Variants in EFCAB11 observed in about 807,000 individuals in gnomAD.
The protein encoded by EFCAB11 is EF-hand calcium-binding domain-containing protein 11.
Under a neutral mutation model 23.0 loss-of-function variants are expected in EFCAB11, and 14 were observed. The observed-to-expected ratio is 0.61, with a 90% CI of 0.40 to 0.95. The LOEUF (loss-of-function observed/expected upper bound fraction) is 0.95, where lower values mean the gene tolerates loss of function less well. Ranked by LOEUF, EFCAB11 falls within the 40% of genes least tolerant of loss-of-function variation. The pLI is 0.00. For missense variants in EFCAB11, 198 were observed against 195.8 expected (o/e 1.01, Z -0.07); for synonymous variants, 65 against 66.6 (o/e 0.98, Z 0.11).
intron 5 of EFCAB11, among the ~76,000 whole-genome samples, chr14:89,805,149 C>T (rs1885925413): frequency 6.6e-6 from 1 of 152,248 alleles, no homozygotes; most frequent in Admixed American, 6.5e-5. Context: ...GCACTCGGCT[C>T]AGCCTACTAG....
chr14:89,865,850 T>C (rs1412404017), intron 5 of EFCAB11, among the ~76,000 whole-genome samples: 1 of 151,968 alleles, frequency 6.6e-6, no homozygotes, highest in Non-Finnish European at 1.5e-5. Context: ...TTTTTTAAAC[T>C]AGAGATGGGG....
intron 5 of EFCAB11, among the ~76,000 whole-genome samples, chr14:89,888,576 A>G (rs1416809026): frequency 6.6e-6 from 1 of 152,202 alleles, no homozygotes; most frequent in Non-Finnish European, 1.5e-5. Flanking sequence ...AGACAGCACC[A>G]AGCCTTGAGG....
At chr14:89,805,582 T>C (rs1347286858) in intron 5 of EFCAB11, among the ~76,000 whole-genome samples, 1 of 152,220 alleles carries the variant, frequency 6.6e-6, no homozygotes, top group Non-Finnish European at 1.5e-5. Flanking sequence ...CGATAATTTG[T>C]GCACAGGCTT....
intron 5 of EFCAB11, among the ~76,000 whole-genome samples, chr14:89,870,614 T>C (rs1888235945): frequency 6.6e-6 from 1 of 151,992 alleles, no homozygotes; most frequent in Non-Finnish European, 1.5e-5. Flanking sequence ...TCACCCCCAA[T>C]GTCAGAACTA....
chr14:89,798,476 G>T (rs189773238), intron 5 of EFCAB11, among the ~76,000 whole-genome samples: 1 of 152,346 alleles, frequency 6.6e-6, no homozygotes, highest in African/African-American at 2.4e-5. Context: ...ACTAACTACA[G>T]AATATAAATC....
intron 5 of EFCAB11, among the ~76,000 whole-genome samples, chr14:89,885,057 T>C (rs949458216): frequency 6.6e-6 from 1 of 152,230 alleles, no homozygotes; most frequent in Non-Finnish European, 1.5e-5. Context: ...CAGTCTATGG[T>C]ATTCTGTTAC....
chr14:89,878,759 A>T (rs537217306), intron 5 of EFCAB11, among the ~76,000 whole-genome samples: 8 of 152,104 alleles, frequency 5.3e-5, no homozygotes, highest in Non-Finnish European at 1.2e-4. Context: ...ACAATAACAA[A>T]TGTGGGTCAT....
intron 5 of EFCAB11, among the ~76,000 whole-genome samples, chr14:89,874,663 C>A (rs886701937): frequency 3.3e-5 from 5 of 152,144 alleles, no homozygotes; most frequent in Admixed American, 3.3e-4. Flanking sequence ...TTTGGGAGGC[C>A]AAGGTGGGTG....
intron 5 of EFCAB11, among the ~76,000 whole-genome samples, chr14:89,816,044 C>A (rs922235487): frequency 1.3e-5 from 2 of 151,948 alleles, no homozygotes; most frequent in Admixed American, 1.3e-4. Flanking sequence ...TTTTGTGTGT[C>A]CTCTTCAATT....
At chr14:89,832,809 G>T (rs1274810063) in intron 5 of EFCAB11, among the ~76,000 whole-genome samples, 2 of 151,992 alleles carry the variant, frequency 1.3e-5, no homozygotes, top group African/African-American at 4.8e-5. Context: ...AGGCTGTGTG[G>T]GTACTCAAAG....
intron 5 of EFCAB11, among the ~76,000 whole-genome samples, chr14:89,807,763 GTTTAC>G (rs996987359): frequency 6.6e-6 from 1 of 151,966 alleles, no homozygotes. Context: ...AGAGTTTTTT[GTTTAC>G]TTTCTTTGGG....
At chr14:89,797,594 G>A (rs113071207) in intron 5 of EFCAB11, among the ~76,000 whole-genome samples, 1 of 152,012 alleles carries the variant, frequency 6.6e-6, no homozygotes, top group Non-Finnish European at 1.5e-5. Flanking sequence ...AAAAAGAAAC[G>A]GCTCTTTCTA....
intron 5 of EFCAB11, chr14:89,836,723 A>G: frequency 2.2e-6 from 1 of 453,394 alleles, no homozygotes; most frequent in Non-Finnish European, 4.4e-6. Flanking sequence ...TATAATGTTT[A>G]AATATATAGA....
chr14:89,873,186 A>G (rs973507974), intron 5 of EFCAB11, among the ~76,000 whole-genome samples: 1 of 152,168 alleles, frequency 6.6e-6, no homozygotes, highest in African/African-American at 2.4e-5. Context: ...GGAGCAAGGC[A>G]CATCTTACGT....
chr14:89,896,241 G>A (rs1404657661), intron 5 of EFCAB11, among the ~76,000 whole-genome samples: 2 of 152,188 alleles, frequency 1.3e-5, no homozygotes, highest in South Asian at 2.1e-4. Flanking sequence ...AAAATTAGCC[G>A]GGCGTGGCGG....
chr14:89,912,236 TA>T lies in EFCAB11; in HGVS notation c.410+19304del, dbSNP rs547913700. Among the ~76,000 whole-genome samples, 395 of 150,166 alleles carry T rather than the reference TA, an allele frequency of 2.6e-3. 3 individuals are homozygous for T. The highest frequency in any genetic ancestry group is 9.0e-3 in the South Asian group (43 of 4,774). On this transcript the variant is annotated intron_variant, in intron 5 of 5. Transcript: ENST00000316738. ...AACTAGAATTCCTTTTACTCCCACT[TA>T]AAAAAAAAATCCTGAACTTTATTGG...
At chr14:89,814,102 C>G (rs1385319013) in intron 5 of EFCAB11, among the ~76,000 whole-genome samples, 4 of 144,906 alleles carry the variant, frequency 2.8e-5, no homozygotes, top group Non-Finnish European at 4.5e-5. Context: ...TTTTTTTTTC[C>G]ACTTTGAATC....
chr14:89,801,491 G>C (rs1285105633), intron 5 of EFCAB11, among the ~76,000 whole-genome samples: 1 of 152,158 alleles, frequency 6.6e-6, no homozygotes, highest in African/African-American at 2.4e-5. Flanking sequence ...AAGCCTGCTA[G>C]GAATTTGCAA....
At chr14:89,925,484 T>C (rs1890160337) in intron 5 of EFCAB11, among the ~76,000 whole-genome samples, 1 of 152,156 alleles carries the variant, frequency 6.6e-6, no homozygotes, top group Non-Finnish European at 1.5e-5. Flanking sequence ...AATTCTATAG[T>C]ACAAACAGTA....
Sources: gnomAD v4.1 joint callset for allele counts (sites outside exome capture counted in the v4.1 genomes callset) on GRCh38, gnomAD v4.1.1 for gene constraint, MANE v1.5 for transcripts, NCBI Gene and HGNC (gene_info 2026-07-23, HGNC 2026-07-21) for gene names.